Variants in RYR2 observed in about 807,000 individuals in gnomAD.
RYR2 encodes ryanodine receptor 2.
Under a neutral mutation model 601.1 loss-of-function variants are expected in RYR2, and 227 were observed. The observed-to-expected ratio is 0.38, with a 90% CI of 0.34 to 0.42. The LOEUF (loss-of-function observed/expected upper bound fraction) is 0.42. RYR2 is among the 10% of genes least tolerant of loss of function. The pLI is 1.00. For missense variants in RYR2, 4,646 were observed against 6,156.5 expected, an observed-to-expected ratio of 0.75 and a Z score of 8.21; for synonymous variants, 2,223 against 2,175.1, an observed-to-expected ratio of 1.02 and a Z score of -0.61.
chr1:237,526,840 C>G (rs1299583522), intron 24 of RYR2, among the ~76,000 whole-genome samples: 1 of 152,120 alleles, frequency 6.6e-6, no homozygotes, highest in Non-Finnish European at 1.5e-5. Context: ...TCCCATTTGT[C>G]TATTTTTGTT....
intron 42 of RYR2, among the ~76,000 whole-genome samples, chr1:237,632,389 C>A (rs1326648622): frequency 1.6e-5 from 2 of 127,446 alleles, no homozygotes; most frequent in Non-Finnish European, 1.7e-5. Context: ...AAAGTGAATT[C>A]TTTTTTTTTT....
In RYR2 at chr1:237,717,476, G is replaced by A. The variant is rs139333339; in HGVS notation, c.10494+108G>A. On this transcript the variant is annotated intron_variant, in intron 72 of 104. Coordinates refer to ENST00000366574, the MANE Select transcript of RYR2 (RefSeq NM_001035.3). Reference sequence around the variant, plus strand: ...TGTCAATATTTCATTTGCATTACATGTTTTATTAAGCAGGTTTTCTAGACA... The same window carrying A: ...TGTCAATATTTCATTTGCATTACATATTTTATTAAGCAGGTTTTCTAGACA... 2.8e-5 allele frequency: 27 copies of A among 950,062 alleles called. No homozygotes were observed. In the Admixed American group the frequency reaches 8.2e-4, roughly 29 times the overall value. The allele number at this position is 950,062 out of a possible 1,614,324, so 58.9% of individuals were successfully genotyped here.
chr1:237,303,326 G>T, intron 2 of RYR2, among the ~76,000 whole-genome samples: 2 of 119,702 alleles, frequency 1.7e-5, no homozygotes, highest in African/African-American at 3.4e-5. Context: ...TTGAGACAGA[G>T]TCTTGCTCTA....
intron 1 of RYR2, among the ~76,000 whole-genome samples, chr1:237,212,919 C>T (rs1254235633): frequency 6.6e-6 from 1 of 151,808 alleles, no homozygotes; most frequent in East Asian, 1.9e-4. Context: ...TTACAGGCAC[C>T]CACCACCACG....
chr1:237,383,231 A>G (rs1185094206), intron 8 of RYR2, among the ~76,000 whole-genome samples: 1 of 151,976 alleles, frequency 6.6e-6, no homozygotes, highest in Non-Finnish European at 1.5e-5. Context: ...GTATTGAAGT[A>G]TAGTCTGTGT....
chr1:237,783,618 G>A, intron 89 of RYR2, 57 bp from the exon 90 acceptor site: 1 of 1,056,808 alleles, frequency 9.5e-7, no homozygotes, highest in Non-Finnish European at 1.4e-6. Context: ...GTTATCTTCT[G>A]TATGATCACT....
At chr1:237,748,092 G>A (rs887870850) in intron 80 of RYR2, among the ~76,000 whole-genome samples, 5 of 152,206 alleles carry the variant, frequency 3.3e-5, no homozygotes, top group African/African-American at 1.2e-4. Context: ...AAAAGCTTAC[G>A]TGCTAACACT....
In RYR2 at chr1:237,490,071, A is replaced by T. The variant is rs368825666; in HGVS notation, c.1709-1735A>T. On this transcript the variant is annotated intron_variant, in intron 17 of 104. Transcript: ENST00000366574. ...TGGAGGTTGTTATCCTAAGCAAATT[A>T]ATGCAGGAACAGAAAACCACATACA... 1.1e-3 allele frequency among the ~76,000 whole-genome samples: 161 copies of T among 152,356 alleles called. 3 individuals carry two copies. In the South Asian group the frequency reaches 0.032, roughly 30 times the overall value.
intron 42 of RYR2, among the ~76,000 whole-genome samples, chr1:237,633,342 A>C (rs912938114): frequency 2.6e-5 from 4 of 152,162 alleles, no homozygotes; most frequent in African/African-American, 9.7e-5. Flanking sequence ...TAATAAGTCA[A>C]TTTCTGTTCT....
At chr1:237,730,904 C>T (rs769776788) in intron 77 of RYR2, among the ~76,000 whole-genome samples, 4 of 152,120 alleles carry the variant, frequency 2.6e-5, no homozygotes, top group Non-Finnish European at 4.4e-5. Context: ...TTTTCTAAGT[C>T]ATGGACCCAT....
intron 1 of RYR2, among the ~76,000 whole-genome samples, chr1:237,066,359 T>G (rs1463357178): frequency 6.6e-6 from 1 of 152,190 alleles, no homozygotes; most frequent in Non-Finnish European, 1.5e-5. Flanking sequence ...CAGGAATATG[T>G]TTTGTTGGTT....
At chr1:237,449,044 A>C (rs910051817) in intron 14 of RYR2, among the ~76,000 whole-genome samples, 4 of 152,106 alleles carry the variant, frequency 2.6e-5, no homozygotes, top group African/African-American at 7.2e-5. Context: ...GTAATAGGAT[A>C]AAGAGGAGAT....
At chr1:237,223,825 A>G (rs1164727120) in intron 1 of RYR2, among the ~76,000 whole-genome samples, 2 of 152,236 alleles carry the variant, frequency 1.3e-5, no homozygotes, top group Non-Finnish European at 2.9e-5. Flanking sequence ...AACACAAAGC[A>G]CTTCTAAAAT....
chr1:237,813,879 A>ATG (rs1170767631), intron 100 of RYR2, among the ~76,000 whole-genome samples: 7 of 152,304 alleles, frequency 4.6e-5, no homozygotes, highest in African/African-American at 1.4e-4. Context: ...GGTTGAGTAT[A>ATG]TGTCTTAGAT....
intron 4 of RYR2, among the ~76,000 whole-genome samples, chr1:237,359,094 A>G (rs1699551026): frequency 6.6e-6 from 1 of 152,112 alleles, no homozygotes; most frequent in Non-Finnish European, 1.5e-5. Flanking sequence ...AGAAGTTGAA[A>G]ATATCGTAAG....
intron 15 of RYR2, among the ~76,000 whole-genome samples, chr1:237,455,241 T>C (rs1658668279): frequency 6.6e-6 from 1 of 152,164 alleles, no homozygotes; most frequent in African/African-American, 2.4e-5. Flanking sequence ...ACTACGAGGG[T>C]TGATGGGATA....
chr1:237,439,387 G>A (rs898384506), intron 12 of RYR2, among the ~76,000 whole-genome samples: 1 of 152,188 alleles, frequency 6.6e-6, no homozygotes, highest in African/African-American at 2.4e-5. Context: ...GCTCACACCT[G>A]TAATCCCTGC....
At chr1:237,716,189 T>A (rs1452796572) in intron 71 of RYR2, among the ~76,000 whole-genome samples, 1 of 152,146 alleles carries the variant, frequency 6.6e-6, no homozygotes, top group Non-Finnish European at 1.5e-5. Flanking sequence ...CTCACTTGTT[T>A]CACTACTTTC....
In RYR2 at chr1:237,434,617, G is replaced by C. The variant is rs559039116; in HGVS notation, c.1006-6702G>C. ...CCAACCCTCCAGATAAAATTTTTTA[G>C]CTTAAAATGCCACTGAAACATTTCT... On this transcript the variant is annotated intron_variant, in intron 12 of 104. Coordinates refer to ENST00000366574, the MANE Select transcript of RYR2 (RefSeq NM_001035.3). Among the ~76,000 whole-genome samples the C allele has an allele frequency of 2.0e-5, 3 of 152,148 alleles. No homozygotes were observed. In the East Asian group the frequency reaches 5.8e-4, roughly 29 times the overall value.
Sources: allele counts gnomAD v4.1 joint callset (sites outside exome capture counted in the v4.1 genomes callset), GRCh38; gene constraint gnomAD v4.1.1; transcripts MANE v1.5; gene names NCBI Gene and HGNC (gene_info 2026-07-23, HGNC 2026-07-21).